CTIF: variants seen among roughly 807,000 people sequenced by gnomAD.
CTIF encodes CBP80/20-dependent translation initiation factor.
A neutral mutation model predicts 66.0 loss-of-function variants in CTIF; 21 were observed. That is an observed-to-expected ratio of 0.32 (90% CI 0.23 to 0.46). The LOEUF is 0.46. Ranked by LOEUF, CTIF falls within the 20% of genes least tolerant of loss-of-function variation. CTIF has a pLI of 1.00. For synonymous variants in CTIF, 345 were observed against 326.4 expected, an observed-to-expected ratio of 1.06 and a Z score of -0.62; for missense variants, 739 against 812.7, an observed-to-expected ratio of 0.91 and a Z score of 1.10.
At chr18:48,740,673 C>T (rs1193979189) in intron 7 of CTIF, among the ~76,000 whole-genome samples, 3 of 152,228 alleles carry the variant, frequency 2.0e-5, no homozygotes, top group South Asian at 2.1e-4. Context: ...CTTGTCCTGC[C>T]TTGACTGTCA....
At chr18:48,738,209 G>T (rs2092520963) in intron 7 of CTIF, among the ~76,000 whole-genome samples, 1 of 152,206 alleles carries the variant, frequency 6.6e-6, no homozygotes, top group African/African-American at 2.4e-5. Context: ...CTTCAAAGCA[G>T]ATCCAGGATC....
At chr18:48,811,814 T>C (rs1599091532) in intron 9 of CTIF, among the ~76,000 whole-genome samples, 1 of 152,218 alleles carries the variant, frequency 6.6e-6, no homozygotes, top group Admixed American at 6.5e-5. Flanking sequence ...CATCTGTGGG[T>C]GGATGCCTGG....
chr18:48,576,533 G>C (rs901612657), intron 1 of CTIF, among the ~76,000 whole-genome samples: 4 of 152,216 alleles, frequency 2.6e-5, no homozygotes, highest in African/African-American at 7.2e-5. Context: ...CTCTGCTTCA[G>C]CCAACACAAA....
At chr18:48,671,109 G>T (rs1282755940) in intron 6 of CTIF, among the ~76,000 whole-genome samples, 5 of 152,200 alleles carry the variant, frequency 3.3e-5, no homozygotes. Context: ...TGGCAGGCCT[G>T]GAAGAGATTC....
chr18:48,642,990 C>T (rs299726), intron 3 of CTIF, among the ~76,000 whole-genome samples: 21,840 of 152,170 alleles, frequency 0.14, 1,856 homozygotes, highest in African/African-American at 0.22. Flanking sequence ...AGAAGTACAA[C>T]GCTACTCTGT....
At chr18:48,748,674 C>T (rs1358638178) in intron 7 of CTIF, among the ~76,000 whole-genome samples, 2 of 152,118 alleles carry the variant, frequency 1.3e-5, no homozygotes, top group Admixed American at 6.5e-5. Context: ...GCATATGAAC[C>T]CAAGGGTGTC....
At chr18:48,756,595 A>G (rs1399695978) in intron 7 of CTIF, among the ~76,000 whole-genome samples, 2 of 152,204 alleles carry the variant, frequency 1.3e-5, no homozygotes, top group African/African-American at 2.4e-5. Flanking sequence ...TCTTTCCACT[A>G]TTTTACAACC....
chr18:48,625,250 A>C, intron 2 of CTIF: 1 of 983,310 alleles, frequency 1.0e-6, no homozygotes. Context: ...AGTTTATAGG[A>C]GGACTGCGGG....
intron 2 of CTIF, among the ~76,000 whole-genome samples, chr18:48,625,715 C>T (rs1164082747): frequency 6.6e-6 from 1 of 152,162 alleles, no homozygotes; most frequent in Non-Finnish European, 1.5e-5. Context: ...TTAGTGGCTG[C>T]CCAGTTGTCC....
At chr18:48,797,496 G>GGA (rs1555695524) in intron 9 of CTIF, among the ~76,000 whole-genome samples, 1 of 149,502 alleles carries the variant, frequency 6.7e-6, no homozygotes, top group African/African-American at 2.5e-5. Context: ...AAGAAAAGGG[G>GGA]TGGGGGGGCA....
intron 7 of CTIF, among the ~76,000 whole-genome samples, chr18:48,734,186 C>G (rs753050690): frequency 1.3e-5 from 2 of 152,246 alleles, no homozygotes; most frequent in African/African-American, 4.8e-5. Flanking sequence ...TCCCCTGGGA[C>G]AAGGAGTGGG....
intron 2 of CTIF, among the ~76,000 whole-genome samples, chr18:48,627,387 T>C (rs2090622217): frequency 6.6e-6 from 1 of 152,040 alleles, no homozygotes; most frequent in African/African-American, 2.4e-5. Flanking sequence ...AGGTGATGAA[T>C]GCATGAGGGA....
rs568693735 is a variant in CTIF at position 48,789,010 on chromosome 18, G to T, written c.1371+27321G>T. ...GCAGACTCAGGAGGACGTGTGCTGTGCTGAGCCTGAAGAAGGTGGCAAAGA... is the reference window on the plus strand; with the variant it reads ...GCAGACTCAGGAGGACGTGTGCTGTTCTGAGCCTGAAGAAGGTGGCAAAGA... On this transcript the variant is annotated intron_variant, in intron 9 of 11. Transcript: ENST00000256413. Among the ~76,000 whole-genome samples, 7 of 152,310 alleles carry T rather than the reference G, an allele frequency of 4.6e-5. No individual in the cohort carries two copies. The South Asian group carries it at 1.5e-3, about 32-fold the overall frequency.
At chr18:48,739,936 G>T (rs1406063088) in intron 7 of CTIF, among the ~76,000 whole-genome samples, 1 of 152,192 alleles carries the variant, frequency 6.6e-6, no homozygotes, top group Non-Finnish European at 1.5e-5. Context: ...GTGCTGTGGG[G>T]TCTACCAGGC....
intron 1 of CTIF, among the ~76,000 whole-genome samples, chr18:48,614,598 A>G (rs2090364334): frequency 1.3e-5 from 2 of 152,264 alleles, no homozygotes; most frequent in African/African-American, 4.8e-5. Flanking sequence ...CATTATGCTA[A>G]GTGAAATAAA....
intron 10 of CTIF, among the ~76,000 whole-genome samples, chr18:48,841,250 G>T (rs771030271): frequency 2.0e-4 from 31 of 152,222 alleles, no homozygotes; most frequent in Non-Finnish European, 2.6e-4. Flanking sequence ...CTTGTGCCCA[G>T]TTGGTGAGCA....
chr18:48,630,752 T>C (rs1186313285), intron 2 of CTIF, among the ~76,000 whole-genome samples: 1 of 152,086 alleles, frequency 6.6e-6, no homozygotes, highest in Non-Finnish European at 1.5e-5. Context: ...CTCTGCTTAC[T>C]GCAAGCTCTG....
At chr18:48,547,391 A>G (rs996190279) in intron 1 of CTIF, among the ~76,000 whole-genome samples, 1 of 152,302 alleles carries the variant, frequency 6.6e-6, no homozygotes, top group Non-Finnish European at 1.5e-5. Flanking sequence ...TAGACTGGGC[A>G]CTACATTGTC....
intron 7 of CTIF, among the ~76,000 whole-genome samples, chr18:48,723,718 G>C (rs1305364626): frequency 1.3e-5 from 2 of 152,138 alleles, no homozygotes; most frequent in Non-Finnish European, 2.9e-5. Context: ...GGAGAGACAG[G>C]GGCACAGGTT....
Sources: gnomAD v4.1 joint callset for allele counts (sites outside exome capture counted in the v4.1 genomes callset) on GRCh38, gnomAD v4.1.1 for gene constraint, MANE v1.5 for transcripts, NCBI Gene and HGNC (gene_info 2026-07-23, HGNC 2026-07-21) for gene names.